FHOD3: variants seen among roughly 807,000 people sequenced by gnomAD.
FHOD3 encodes FH1/FH2 domain-containing protein 3.
Under a neutral mutation model 173.0 loss-of-function variants are expected in FHOD3, and 90 were observed. The ratio of observed to expected loss-of-function variants is 0.52; its 90% CI spans 0.44 to 0.62. FHOD3 has a LOEUF of 0.62. Among genes scored for constraint, FHOD3 ranks in the 20% least tolerant of loss-of-function variants. The pLI is 0.00. For synonymous variants in FHOD3, 828 were observed against 823.0 expected (o/e 1.01, Z -0.10); for missense variants, 1,945 against 2,034.7 (o/e 0.96, Z 0.85).
At chr18:36,702,161 C>T (rs1310461333) in intron 17 of FHOD3, among the ~76,000 whole-genome samples, 5 of 152,140 alleles carry the variant, frequency 3.3e-5, no homozygotes, top group Admixed American at 2.6e-4. Flanking sequence ...TCCTGGGGGA[C>T]ATTTGGCAGT....
At chr18:36,358,841 C>T (rs1365473447) in intron 2 of FHOD3, among the ~76,000 whole-genome samples, 1 of 151,992 alleles carries the variant, frequency 6.6e-6, no homozygotes, top group Non-Finnish European at 1.5e-5. Flanking sequence ...TTATGTTGCC[C>T]AGGCTGGTCT....
chr18:36,415,400 T>C (rs2049582995), intron 3 of FHOD3, among the ~76,000 whole-genome samples: 1 of 152,166 alleles, frequency 6.6e-6, no homozygotes, highest in Admixed American at 6.5e-5. Flanking sequence ...AGGGTGAGAA[T>C]TGATTAGGCT....
At chr18:36,320,552 G>A (rs1357036978) in intron 1 of FHOD3, among the ~76,000 whole-genome samples, 2 of 152,220 alleles carry the variant, frequency 1.3e-5, no homozygotes, top group African/African-American at 2.4e-5. Context: ...TTCTACCAGA[G>A]TAAAAAGAGG....
At chr18:36,726,369 T>C (rs2041070463) in intron 19 of FHOD3, among the ~76,000 whole-genome samples, 1 of 152,190 alleles carries the variant, frequency 6.6e-6, no homozygotes, top group Admixed American at 6.5e-5. Context: ...GGGGGTTGTC[T>C]GGTTTCTCAT....
intron 1 of FHOD3, among the ~76,000 whole-genome samples, chr18:36,306,934 C>T (rs1291639387): frequency 6.6e-6 from 1 of 152,118 alleles, no homozygotes; most frequent in Non-Finnish European, 1.5e-5. Flanking sequence ...GCCCTCCGGC[C>T]TTGGAGTATA....
chr18:36,712,960 C>T (rs914548248), intron 18 of FHOD3, among the ~76,000 whole-genome samples: 7 of 151,998 alleles, frequency 4.6e-5, no homozygotes, highest in Non-Finnish European at 1.0e-4. Context: ...CAGGAAGGGG[C>T]GCAACATTTT....
intron 24 of FHOD3, among the ~76,000 whole-genome samples, chr18:36,751,983 C>G (rs1032740882): frequency 3.9e-5 from 6 of 152,174 alleles, no homozygotes; most frequent in Non-Finnish European, 5.9e-5. Context: ...AATTGACTCA[C>G]AGTTCTGCAC....
At chr18:36,484,717 C>T (rs2054104203) in intron 3 of FHOD3, among the ~76,000 whole-genome samples, 1 of 152,108 alleles carries the variant, frequency 6.6e-6, no homozygotes, top group African/African-American at 2.4e-5. Flanking sequence ...CTTCCTGAGG[C>T]CATATGTAGA....
chr18:36,399,467 A>G (rs1470973686), intron 3 of FHOD3, among the ~76,000 whole-genome samples: 1 of 152,120 alleles, frequency 6.6e-6, no homozygotes, highest in East Asian at 1.9e-4. Context: ...TTGTTTTGCA[A>G]TTTGAAAGCT....
chr18:36,490,563 C>T (rs1289913318), intron 3 of FHOD3, among the ~76,000 whole-genome samples: 2 of 152,236 alleles, frequency 1.3e-5, no homozygotes, highest in South Asian at 2.1e-4. Context: ...TCTTTTGCAG[C>T]CTCTTGGTGA....
At chr18:36,458,666 G>GT (rs35141522) in intron 3 of FHOD3, among the ~76,000 whole-genome samples, 10,058 of 104,554 alleles carry the variant, frequency 0.096, 197 homozygotes, top group Non-Finnish European at 0.14. Flanking sequence ...TTTTTGTTAG[G>GT]TTTTTTTTTT....
intron 17 of FHOD3, among the ~76,000 whole-genome samples, chr18:36,698,797 A>G (rs1280715801): frequency 2.0e-5 from 3 of 152,314 alleles, no homozygotes; most frequent in African/African-American, 7.2e-5. Context: ...AGTGATAGCA[A>G]TAGCCAGAAT....
chr18:36,769,048 T>G (rs1174658265), intron 27 of FHOD3, among the ~76,000 whole-genome samples: 1 of 152,164 alleles, frequency 6.6e-6, no homozygotes, highest in Non-Finnish European at 1.5e-5. Flanking sequence ...ATGGGTTTGC[T>G]CAGAGCCTGC....
At chr18:36,361,786 C>T (rs553868252) in intron 2 of FHOD3, among the ~76,000 whole-genome samples, 19 of 152,152 alleles carry the variant, frequency 1.2e-4, no homozygotes, top group African/African-American at 4.6e-4. Context: ...GAGAATATTG[C>T]CACCCCCTGA....
At chr18:36,539,971 C>A (rs1377542050) in intron 5 of FHOD3, among the ~76,000 whole-genome samples, 1 of 152,188 alleles carries the variant, frequency 6.6e-6, no homozygotes, top group African/African-American at 2.4e-5. Flanking sequence ...TAAGTGGGCT[C>A]TCTGCTGCCT....
chr18:36,388,967 G>A (rs1447120968), intron 3 of FHOD3, among the ~76,000 whole-genome samples: 1 of 152,226 alleles, frequency 6.6e-6, no homozygotes, highest in African/African-American at 2.4e-5. Context: ...CCCTCTGGGG[G>A]GCACCGTGAG....
At chr18:36,374,785 G>T (rs1351643873) in intron 3 of FHOD3, among the ~76,000 whole-genome samples, 1 of 152,190 alleles carries the variant, frequency 6.6e-6, no homozygotes, top group Non-Finnish European at 1.5e-5. Flanking sequence ...AGGTAGACCG[G>T]CATGTTTTGC....
intron 6 of FHOD3, among the ~76,000 whole-genome samples, chr18:36,578,932 A>G (rs2058752605): frequency 6.6e-6 from 1 of 152,090 alleles, no homozygotes; most frequent in Non-Finnish European, 1.5e-5. Flanking sequence ...GCTTTCCCTC[A>G]GAAGATTGAA....
chr18:36,590,123 C>G (rs1221995895), intron 6 of FHOD3, among the ~76,000 whole-genome samples: 1 of 152,204 alleles, frequency 6.6e-6, no homozygotes, highest in African/African-American at 2.4e-5. Context: ...CCGTCATTAT[C>G]CTCCCCGATT....
Sources: allele counts gnomAD v4.1 joint callset (sites outside exome capture counted in the v4.1 genomes callset), GRCh38; gene constraint gnomAD v4.1.1; transcripts MANE v1.5; gene names NCBI Gene and HGNC (gene_info 2026-07-23, HGNC 2026-07-21).